Variants in KIF6 observed in about 807,000 individuals in gnomAD.
The protein encoded by KIF6 is kinesin-like protein KIF6.
Under a neutral mutation model 112.7 loss-of-function variants are expected in KIF6, and 106 were observed. The observed-to-expected ratio is 0.94, with a 90% confidence interval of 0.80 to 1.11. KIF6 has a LOEUF of 1.11. Ranked by LOEUF, KIF6 falls within the 50% of genes least tolerant of loss-of-function variation. KIF6 has a pLI of 0.00. For missense variants in KIF6, 929 were observed against 964.0 expected (o/e 0.96, Z 0.48); for synonymous variants, 339 against 339.9 (o/e 1.00, Z 0.03).
chr6:39,584,417 T>TAA lies in KIF6; in HGVS notation c.1077+479_1077+480dup, dbSNP rs61215070. Among the ~76,000 whole-genome samples the TAA allele has an allele frequency of 4.2e-3, 195 of 46,008 alleles. 23 individuals are homozygous for TAA. Among genetic ancestry groups the TAA allele is most frequent in the Non-Finnish European group, 7.5e-3 (121 of 16,090 alleles). 30.2% of individuals were successfully genotyped at this position (46,008 alleles called of 152,430 possible). A position where few individuals can be genotyped will look rare whatever the true frequency, so the allele number is the denominator to read the frequency against. Reference sequence around the variant, plus strand: ...TCCAGCCTGAGCAAGACTCTGTCTCTAAAAAAAAAAAAAAAAAAAAAAAAA... The same window carrying TAA: ...TCCAGCCTGAGCAAGACTCTGTCTCTAAAAAAAAAAAAAAAAAAAAAAAAAAA... On this transcript the variant is annotated intron_variant, in intron 9 of 22. Coordinates refer to ENST00000287152, the MANE Select transcript of KIF6 (RefSeq NM_145027.6).
chr6:39,625,972 A>G (rs1264287121), intron 5 of KIF6, among the ~76,000 whole-genome samples: 2 of 152,160 alleles, frequency 1.3e-5, no homozygotes, highest in East Asian at 1.9e-4. Flanking sequence ...GATTTAGGGC[A>G]GGGAGTAGTT....
chr6:39,668,036 CTT>C (rs1786585855), intron 3 of KIF6, among the ~76,000 whole-genome samples: 1 of 152,062 alleles, frequency 6.6e-6, no homozygotes. Context: ...CTTACTCCAG[CTT>C]TTTTCACAGA....
In KIF6 at chr6:39,378,932, G is replaced by A. The variant is rs1189668833; in HGVS notation, c.1861+6690C>T. ...GGCCGCTCACATAAACGCTTTCAGT[G>A]AGCTATGCTTTAATGTCAGGCCTCT... On this transcript the variant is annotated intron_variant, in intron 16 of 22. Coordinates refer to ENST00000287152, the MANE Select transcript of KIF6 (RefSeq NM_145027.6). The surrounding 1 kb of genome is among the most constrained non-coding windows in gnomAD (Gnocchi z 5.0). Among the ~76,000 whole-genome samples, 1 of 152,164 alleles carries A rather than the reference G, an allele frequency of 6.6e-6. No individual in the cohort carries two copies. Among genetic ancestry groups the A allele is most frequent in the South Asian group, 2.1e-4 (1 of 4,824 alleles).
At chr6:39,716,393 T>C (rs1789855763) in intron 2 of KIF6, among the ~76,000 whole-genome samples, 1 of 152,170 alleles carries the variant, frequency 6.6e-6, no homozygotes, top group Admixed American at 6.5e-5. Context: ...TTTTATTGAC[T>C]TTTCCCCACA....
rs530157110 is a variant in KIF6 at position 39,627,676 on chromosome 6, C to T, written c.509+7173G>A. Among the ~76,000 whole-genome samples the T allele has an allele frequency of 1.7e-4, 26 of 152,218 alleles. No individual in the cohort carries two copies. In the East Asian group the frequency reaches 4.8e-3, roughly 28 times the overall value. On this transcript the variant is annotated intron_variant, in intron 5 of 22. Coordinates refer to ENST00000287152, the MANE Select transcript of KIF6 (RefSeq NM_145027.6). ...TTGATGACAAATTATTCAAAAAATA[C>T]AACACAGCCAAGATTTCAATACTGA...
rs545497362 is a variant in KIF6, at chr6:39,525,691, T to C, written c.1645+14312A>G. ...ATCCCTTGAACCCAGGAGGCGGAAG[T>C]TGCAGCAGGAGAATCCCTTGAACCT... On this transcript the variant is annotated intron_variant, in intron 13 of 22. Coordinates refer to ENST00000287152, the MANE Select transcript of KIF6 (RefSeq NM_145027.6). Among the ~76,000 whole-genome samples, 196 of 152,020 alleles carry C rather than the reference T, an allele frequency of 1.3e-3. 4 individuals carry two copies. The highest frequency in any genetic ancestry group is 1.0e-3 in the Non-Finnish European group (69 of 67,964).
chr6:39,337,172 C>CT (rs1554195075), intron 22 of KIF6, among the ~76,000 whole-genome samples: 1,528 of 59,446 alleles, frequency 0.026, 52 homozygotes, highest in Middle Eastern at 0.054. Flanking sequence ...TCTTTCCTTC[C>CT]TTCTTTCTTT....
chr6:39,394,692 G>A (rs985933241), intron 15 of KIF6, among the ~76,000 whole-genome samples: 7 of 152,206 alleles, frequency 4.6e-5, no homozygotes, highest in Admixed American at 4.6e-4. Flanking sequence ...GGGAGGCCAG[G>A]AGTGGCCTAA....
intron 15 of KIF6, among the ~76,000 whole-genome samples, chr6:39,402,533 A>G (rs1047928253): frequency 2.0e-5 from 3 of 152,200 alleles, no homozygotes; most frequent in Non-Finnish European, 4.4e-5. Context: ...CATTTAAGAA[A>G]CCCATCAATT....
At chr6:39,434,365 T>A (rs4714254) in intron 13 of KIF6, among the ~76,000 whole-genome samples, 50,026 of 150,728 alleles carry the variant, frequency 0.33, 10,246 homozygotes, top group African/African-American at 0.58. Context: ...AGAGTTCAGG[T>A]TCAGTCTGGG....
chr6:39,508,145 G>C (rs1449189543), intron 13 of KIF6, among the ~76,000 whole-genome samples: 3 of 151,806 alleles, frequency 2.0e-5, no homozygotes, highest in Non-Finnish European at 4.4e-5. Flanking sequence ...TTCACAAAGT[G>C]TGGTCCATGT....
At chr6:39,582,627 C>A (rs1781355921) in intron 9 of KIF6, among the ~76,000 whole-genome samples, 1 of 152,048 alleles carries the variant, frequency 6.6e-6, no homozygotes, top group Non-Finnish European at 1.5e-5. Context: ...GTTGATCCAG[C>A]TGGTTTCAAA....
At chr6:39,361,678 G>T (rs946237578) in intron 17 of KIF6, among the ~76,000 whole-genome samples, 4 of 152,070 alleles carry the variant, frequency 2.6e-5, no homozygotes, top group African/African-American at 9.7e-5. Flanking sequence ...CGACAGCAGC[G>T]TGTGTGCTCA....
At chr6:39,461,587 A>T (rs867186054) in intron 13 of KIF6, among the ~76,000 whole-genome samples, 1 of 152,196 alleles carries the variant, frequency 6.6e-6, no homozygotes, top group African/African-American at 2.4e-5. Flanking sequence ...TAATTTCAAC[A>T]TGTAATCAAT....
intron 19 of KIF6, among the ~76,000 whole-genome samples, chr6:39,348,665 A>G (rs530912330): frequency 1.4e-4 from 21 of 152,350 alleles, no homozygotes; most frequent in African/African-American, 4.1e-4. Flanking sequence ...ATAAGGATTA[A>G]TAAGCCATAT....
At position 39,479,456 on chromosome 6, in the gene KIF6, G is replaced by A. The variant is rs188527137; in HGVS notation, c.1646-48295C>T. On this transcript the variant is annotated intron_variant, in intron 13 of 22. Coordinates refer to ENST00000287152, the MANE Select transcript of KIF6 (RefSeq NM_145027.6). ...TCTTTATTCTGTTTCATTCATCTAGGTGCCTATTTTTATACCAGTACCATG... is the reference window on the plus strand; with the variant it reads ...TCTTTATTCTGTTTCATTCATCTAGATGCCTATTTTTATACCAGTACCATG... Among the ~76,000 whole-genome samples the A allele has an allele frequency of 9.2e-5, 14 of 152,098 alleles. No individual in the cohort carries two copies. In the East Asian group the frequency reaches 2.5e-3, roughly 27 times the overall value.
chr6:39,656,691 C>T lies in KIF6; in HGVS notation c.252-16934G>A, dbSNP rs1785803528. Among the ~76,000 whole-genome samples the T allele has an allele frequency of 3.3e-5, 5 of 152,162 alleles. No homozygotes were observed. In the South Asian group the frequency reaches 8.3e-4, roughly 25 times the overall value. ...GTGTAGAAGGCCAAGTCATCTACAT[C>T]ACAAACCTCAGCCTCCATTCTTCTG... On this transcript the variant is annotated intron_variant, in intron 3 of 22. Transcript: ENST00000287152.
chr6:39,375,459 A>G (rs557785762), intron 16 of KIF6, among the ~76,000 whole-genome samples: 1 of 152,322 alleles, frequency 6.6e-6, no homozygotes, highest in East Asian at 1.9e-4. Flanking sequence ...CCCCCAAAAT[A>G]TATACAATTA....
At chr6:39,350,173 G>C (rs965414602) in intron 19 of KIF6, among the ~76,000 whole-genome samples, 3 of 152,124 alleles carry the variant, frequency 2.0e-5, no homozygotes, top group African/African-American at 7.2e-5. Flanking sequence ...AAAATCAGAC[G>C]GTGTGGACAC....
Sources: gnomAD v4.1 joint callset for allele counts (sites outside exome capture counted in the v4.1 genomes callset) on GRCh38, gnomAD v4.1.1 for gene constraint, Gnocchi (gnomAD v3.1) non-coding constraint, MANE v1.5 for transcripts, NCBI Gene and HGNC (gene_info 2026-07-23, HGNC 2026-07-21) for gene names.